The following ARL10 variants were observed in gnomAD, a reference collection of about 807,000 sequenced individuals.
ARL10 encodes the protein ADP-ribosylation factor-like protein 10.
In ARL10, 23 loss-of-function variants were observed where a neutral mutation model predicts 26.1. The observed-to-expected ratio is 0.88, with a 90% CI of 0.63 to 1.25. The LOEUF (loss-of-function observed/expected upper bound fraction) is 1.25, where lower values mean the gene tolerates loss of function less well. Ranked by LOEUF, ARL10 falls within the 50% of genes most tolerant of loss-of-function variation. The pLI is 0.00. For missense variants in ARL10, 300 were observed against 323.6 expected (o/e 0.93, Z 0.56); for synonymous variants, 138 against 149.1 (o/e 0.93, Z 0.54).
In ARL10 at chr5:176,366,422, G is replaced by C; in HGVS notation, c.226G>C (p.Glu76Gln). The change falls in exon 2 of 4, where the codon GAA becomes CAA. Residue 76 changes from glutamate (E) to glutamine (Q), a missense_variant. Transcript: ENST00000310389. ...EDEEPALEELEQREVLVLGLD... is the reference protein window; with the variant it reads ...EDEEPALEELQQREVLVLGLD... ...CGAGGAGCCGGCGCTGGAGGAGCTG[G>C]AACAGCGCGAGGTGCTGGTGCTGGG... The C allele has an allele frequency of 6.2e-7, 1 of 1,612,562 alleles. No individual in the cohort carries two copies. The highest frequency in any genetic ancestry group is 2.2e-5 in the East Asian group (1 of 44,852).
Position 176,365,645 on chromosome 5 carries a change from TG to T in ARL10, c.84del (p.Trp28Ter), listed in dbSNP as rs1196869277. On this transcript the variant is annotated frameshift_variant, in exon 1 of 4. Transcript: ENST00000310389. LOFTEE classifies it high-confidence loss of function. ...GCTGGGCTCGGTGCTCTTCATCCTCTGGAAGACCTACTTCGGCCGCGGCCGA... is the reference window on the plus strand; with the variant it reads ...GCTGGGCTCGGTGCTCTTCATCCTCTGAAGACCTACTTCGGCCGCGGCCGA... ...AVLGSVLFIL[W>X]KTYFGRGRER... The T allele has an allele frequency of 8.0e-7, 1 of 1,257,354 alleles. No individual in the cohort carries two copies. The highest frequency in any genetic ancestry group is 3.4e-5 in the South Asian group (1 of 29,226). The allele number at this position is 1,257,354 out of a possible 1,614,324, so 77.9% of individuals were successfully genotyped here.
At chr5:176,384,502 G>A, downstream of ARL10, 1 of 896,736 alleles carries the variant, frequency 1.1e-6, no homozygotes, top group South Asian at 1.7e-5. Context: ...AAAGGCTGTG[G>A]TGCACCGGGC....
At chr5:176,366,035 C>T (rs1350558807) in intron 1 of ARL10, among the ~76,000 whole-genome samples, 3 of 152,176 alleles carry the variant, frequency 2.0e-5, no homozygotes, top group Admixed American at 6.5e-5. Context: ...GGGCGCGGCT[C>T]GGGAGCATCC....
intron 1 of ARL10, among the ~76,000 whole-genome samples, chr5:176,400,341 C>A (rs1756758706): frequency 6.6e-6 from 1 of 152,098 alleles, no homozygotes; most frequent in Non-Finnish European, 1.5e-5. Flanking sequence ...TGAATAGTAG[C>A]TAGAATTACT....
At chr5:176,401,893 C>G, downstream of ARL10, 1 of 400,450 alleles carries the variant, frequency 2.5e-6, no homozygotes, top group Non-Finnish European at 5.1e-6. Context: ...CCCTCCTGCC[C>G]TCACCGCCCC....
intron 1 of ARL10, among the ~76,000 whole-genome samples, chr5:176,400,464 G>C (rs1435163886): frequency 6.6e-6 from 1 of 152,166 alleles, no homozygotes; most frequent in Non-Finnish European, 1.5e-5. Context: ...CCAGGCAGGG[G>C]CTCTGCTCAC....
chr5:176,405,489 CAAAAAAA>C (rs988554368), downstream of ARL10: 8,219 of 52,128 alleles, frequency 0.16, 290 homozygotes, highest in Non-Finnish European at 0.22. Flanking sequence ...CCCTGTCTCT[CAAAAAAA>C]AAAAAAAAAA....
downstream of ARL10, among the ~76,000 whole-genome samples, chr5:176,382,585 G>A (rs962360057): frequency 9.9e-5 from 15 of 152,210 alleles, no homozygotes; most frequent in African/African-American, 3.6e-4. Flanking sequence ...AGTGGCTTCT[G>A]ATTTTCCATT....
rs1768614270 is a variant in ARL10 at position 176,373,714 on chromosome 5, T to C, written c.*1819T>C. 1 of 152,192 alleles carries C rather than the reference T, an allele frequency of 6.6e-6. No individual in the cohort carries two copies. The allele number at this position is 152,192 out of a possible 1,614,324, so 9.4% of individuals were successfully genotyped here. On this transcript the variant is annotated 3_prime_UTR_variant, in exon 4 of 4. Coordinates refer to ENST00000310389, the MANE Select transcript of ARL10 (RefSeq NM_173664.6). The stretch of plus-strand genomic sequence containing the variant: ...GTTCACTTTCTGCAGTAAGAAGTGA[T>C]TTATGGGCTTTTATGTAAAATTTTA...
chr5:176,366,867 C>G (rs1019770448), intron 2 of ARL10, among the ~76,000 whole-genome samples: 4 of 152,150 alleles, frequency 2.6e-5, no homozygotes, highest in African/African-American at 9.7e-5. Context: ...ATGCCAAGCA[C>G]TTGACGGGCA....
chr5:176,392,632 C>T, downstream of ARL10: 1 of 948,390 alleles, frequency 1.1e-6, no homozygotes, highest in Non-Finnish European at 1.6e-6. This position sits in a 1 kb window ranked among gnomAD's most constrained non-coding sequence, Gnocchi z 5.2. Flanking sequence ...GGGTGAGGGC[C>T]CCCCTCCCAG....
chr5:176,395,643 A>G (rs370573372), intron 1 of ARL10, among the ~76,000 whole-genome samples: 20 of 152,204 alleles, frequency 1.3e-4, no homozygotes, highest in South Asian at 1.2e-3. Context: ...CTGTTTGCCA[A>G]CCCTGGTCTT....
chr5:176,393,066 CCT>C (rs1440691629), downstream of ARL10: 115 of 1,148,186 alleles, frequency 1.0e-4, no homozygotes, highest in Non-Finnish European at 1.1e-4. This position sits in a 1 kb window ranked among gnomAD's most constrained non-coding sequence, Gnocchi z 4.4. Context: ...CTTGTGCCCC[CCT>C]GACTTCAGAG....
At chr5:176,394,170 G>A (rs888242886) in intron 1 of ARL10, among the ~76,000 whole-genome samples, 7 of 152,344 alleles carry the variant, frequency 4.6e-5, no homozygotes, top group South Asian at 4.1e-4. Flanking sequence ...GGAGCTGGGT[G>A]GCAAGTGGGG....
rs1010673915 is a variant in ARL10 at position 176,381,731 on chromosome 5, C to G, written c.*9836C>G. ...GGTTATAATTCACTATGTACAGAGG[C>G]AGCTTTAGGCCAAACTTAACAAAGG... On this transcript the variant is annotated 3_prime_UTR_variant, in exon 4 of 4. Coordinates refer to ENST00000310389, the MANE Select transcript of ARL10 (RefSeq NM_173664.6). 27 of 152,168 alleles carry G rather than the reference C, an allele frequency of 1.8e-4. No homozygotes were observed. The highest frequency in any genetic ancestry group is 5.8e-4 in the African/African-American group (24 of 41,422). The allele number at this position is 152,168 out of a possible 1,614,324, so 9.4% of individuals were successfully genotyped here. A position where few individuals can be genotyped will look rare whatever the true frequency, so the allele number is the denominator to read the frequency against.
chr5:176,398,141 T>C, intron 1 of ARL10: 1 of 1,162,596 alleles, frequency 8.6e-7, no homozygotes, highest in Non-Finnish European at 1.3e-6. Context: ...TCTGGATAAC[T>C]CAGCCTCAAA....
At chr5:176,397,846 A>C in intron 1 of ARL10, 2 of 1,458,194 alleles carry the variant, frequency 1.4e-6, no homozygotes, top group Non-Finnish European at 1.9e-6. Flanking sequence ...TAAGGCATGC[A>C]GCATCCCATG....
chr5:176,394,603 G>C (rs1408286281), intron 1 of ARL10, among the ~76,000 whole-genome samples: 1 of 146,908 alleles, frequency 6.8e-6, no homozygotes, highest in Non-Finnish European at 1.5e-5. Flanking sequence ...GGATCACGAG[G>C]TCAGATGGAG....
chr5:176,411,441 CT>C, the ARL10 span, among the ~76,000 whole-genome samples: 3 of 152,334 alleles, frequency 2.0e-5, no homozygotes, highest in East Asian at 5.8e-4. Flanking sequence ...GCCTGGAAGG[CT>C]GCTCCCTCAC....
Sources: gnomAD v4.1 joint callset for allele counts (sites outside exome capture counted in the v4.1 genomes callset) on GRCh38, gnomAD v4.1.1 for gene constraint, Gnocchi (gnomAD v3.1) non-coding constraint, MANE v1.5 for transcripts, NCBI Gene and HGNC (gene_info 2026-07-23, HGNC 2026-07-21) for gene names.